DNAH9: variants seen among roughly 807,000 people sequenced by gnomAD.
DNAH9 encodes the protein dynein axonemal heavy chain 9, also known as DNAH9 variant protein.
A neutral mutation model predicts 471.6 loss-of-function variants in DNAH9; 345 were observed. That is an observed-to-expected ratio of 0.73 (90% confidence interval 0.67 to 0.80). DNAH9 has a LOEUF of 0.80. Among genes scored for constraint, DNAH9 ranks in the 30% least tolerant of loss-of-function variants. The pLI is 0.00. For synonymous variants in DNAH9, 2,093 were observed against 2,123.6 expected (o/e 0.99, Z 0.40); for missense variants, 5,407 against 5,609.2 (o/e 0.96, Z 1.15).
chr17:11,905,569 T>G, intron 60 of DNAH9, 92 bp from the exon 61 acceptor site: 8 of 1,364,464 alleles, frequency 5.9e-6, no homozygotes, highest in South Asian at 1.4e-5. Context: ...CTTGAGCATG[T>G]TCTTTCATTT....
At chr17:11,622,429 A>G (rs1247597287) in intron 6 of DNAH9, among the ~76,000 whole-genome samples, 1 of 152,130 alleles carries the variant, frequency 6.6e-6, no homozygotes, top group Non-Finnish European at 1.5e-5. Context: ...TGCACTCTGT[A>G]TTCCTCTCAT....
intron 62 of DNAH9, among the ~76,000 whole-genome samples, chr17:11,924,726 C>T (rs958272003): frequency 3.8e-4 from 56 of 148,872 alleles, no homozygotes; most frequent in African/African-American, 1.3e-3. Flanking sequence ...CGGGTTCAAG[C>T]GATTCTCCTG....
intron 66 of DNAH9, among the ~76,000 whole-genome samples, chr17:11,941,266 C>T (rs1974897001): frequency 6.6e-6 from 1 of 152,130 alleles, no homozygotes; most frequent in Non-Finnish European, 1.5e-5. Flanking sequence ...AGATATCCAC[C>T]ACAGGCACCT....
intron 67 of DNAH9, among the ~76,000 whole-genome samples, chr17:11,949,570 T>A (rs1452463083): frequency 6.6e-6 from 1 of 151,904 alleles, no homozygotes; most frequent in Non-Finnish European, 1.5e-5. Flanking sequence ...CAACCTCTAC[T>A]TCCCAGGTTC....
At chr17:11,941,642 G>C (rs1171666096) in intron 66 of DNAH9, among the ~76,000 whole-genome samples, 2 of 152,064 alleles carry the variant, frequency 1.3e-5, no homozygotes, top group Admixed American at 1.3e-4. Flanking sequence ...CAGAACTCAA[G>C]GATAGAAACT....
At chr17:11,611,531 G>A in intron 3 of DNAH9, 119 bp from the exon 4 acceptor site, 1 of 1,032,278 alleles carries the variant, frequency 9.7e-7, no homozygotes, top group South Asian at 1.5e-5. Context: ...CTGGAGCACA[G>A]CCTCTGTGGA....
At chr17:11,954,785 A>G (rs1236588405) in intron 67 of DNAH9, among the ~76,000 whole-genome samples, 2 of 145,340 alleles carry the variant, frequency 1.4e-5, no homozygotes, top group African/African-American at 5.0e-5. Context: ...AAAAAAAAAA[A>G]AAAGAGAGAG....
At chr17:11,835,702 C>G (rs1970827999) in intron 49 of DNAH9, among the ~76,000 whole-genome samples, 1 of 152,172 alleles carries the variant, frequency 6.6e-6, no homozygotes, top group Non-Finnish European at 1.5e-5. Flanking sequence ...TTTGGAGATC[C>G]TCTGCCAGTC....
At chr17:11,720,964 G>A (rs2075046324) in intron 27 of DNAH9, among the ~76,000 whole-genome samples, 1 of 152,162 alleles carries the variant, frequency 6.6e-6, no homozygotes, top group South Asian at 2.1e-4. Context: ...ATAATTTTAT[G>A]TTCTAGATTT....
At chr17:11,947,262 G>C (rs1975161766) in intron 67 of DNAH9, among the ~76,000 whole-genome samples, 1 of 152,202 alleles carries the variant, frequency 6.6e-6, no homozygotes, top group Non-Finnish European at 1.5e-5. Flanking sequence ...ACAAAAGCCT[G>C]ATGTACCAAA....
chr17:11,781,639 C>G lies in DNAH9; in HGVS notation c.7718+465C>G, dbSNP rs776055471. On this transcript the variant is annotated intron_variant, in intron 39 of 68. Transcript: ENST00000262442. ...ACAAGGTCAGGAGTTCGAGACCAGCCTGGCCAACATGGTGAAACCCCGTCT... is the reference window on the plus strand; with the variant it reads ...ACAAGGTCAGGAGTTCGAGACCAGCGTGGCCAACATGGTGAAACCCCGTCT... 6.6e-5 allele frequency among the ~76,000 whole-genome samples: 10 copies of G among 152,132 alleles called. No homozygotes were observed. The South Asian group carries it at 1.2e-3, about 19-fold the overall frequency.
chr17:11,636,586 G>A (rs773437773), intron 8 of DNAH9, 48 bp from the exon 9 acceptor site: 1 of 1,519,804 alleles, frequency 6.6e-7, no homozygotes, highest in Non-Finnish European at 9.1e-7. Context: ...ACCATGGAAA[G>A]GTTTAATCTG....
rs1255288654 is a variant in DNAH9 at position 11,769,327 on chromosome 17, A to C, written c.7550A>C (p.Gln2517Pro). The C allele has an allele frequency of 6.2e-7, 1 of 1,609,202 alleles. No homozygotes were observed. The highest frequency in any genetic ancestry group is 1.1e-5 in the South Asian group (1 of 90,400). Reference sequence around the variant, plus strand: ...TACTACACCACGTCAGCAATGCTGCAGGGTAAGCAGCCCAGGGCACCTGGG... The same window carrying C: ...TACTACACCACGTCAGCAATGCTGCCGGGTAAGCAGCCCAGGGCACCTGGG... The part of the protein sequence containing the change: ...FNYYTTSAML[Q>P]AVLEKPLEKK... The change falls in exon 38 of 69, where the codon CAG becomes CCG. Residue 2517 changes from glutamine to proline, a missense_variant and splice_region_variant. Gln to Pro is a moderately conservative substitution (Grantham distance 76). Coordinates refer to ENST00000262442, the MANE Select transcript of DNAH9 (RefSeq NM_001372.4).
intron 27 of DNAH9, among the ~76,000 whole-genome samples, chr17:11,726,864 A>G (rs981263737): frequency 6.6e-6 from 1 of 152,040 alleles, no homozygotes; most frequent in Admixed American, 6.6e-5. Flanking sequence ...CCTGACCAAC[A>G]TGGTGAAACC....
chr17:11,671,749 C>CAA (rs761599804), intron 17 of DNAH9, among the ~76,000 whole-genome samples: 1 of 152,208 alleles, frequency 6.6e-6, no homozygotes, highest in Admixed American at 6.5e-5. Flanking sequence ...GTGAAAGGAT[C>CAA]AAAAACACAT....
chr17:11,934,201 A>G (rs1416605975), intron 65 of DNAH9, 130 bp downstream of exon 65: 2 of 973,882 alleles, frequency 2.1e-6, no homozygotes, highest in African/African-American at 1.6e-5. Context: ...GCAGGGGCTG[A>G]GGCAAAAGGG....
chr17:11,765,527 G>A (rs1020459857), intron 36 of DNAH9, among the ~76,000 whole-genome samples: 1 of 152,212 alleles, frequency 6.6e-6, no homozygotes, highest in Admixed American at 6.5e-5. Flanking sequence ...GTTCTTTGGT[G>A]CTCAAAATTC....
At chr17:11,720,120 A>G (rs2075027722) in intron 27 of DNAH9, among the ~76,000 whole-genome samples, 1 of 152,114 alleles carries the variant, frequency 6.6e-6, no homozygotes, top group African/African-American at 2.4e-5. Context: ...TCACCGAGAA[A>G]AGCCAGAGAA....
chr17:11,731,956 T>C (rs909826625), intron 28 of DNAH9, among the ~76,000 whole-genome samples: 1 of 152,162 alleles, frequency 6.6e-6, no homozygotes, highest in Non-Finnish European at 1.5e-5. Flanking sequence ...TAGTTCTAGA[T>C]CCCTAAGGAA....
Sources: gnomAD v4.1 joint callset for allele counts (sites outside exome capture counted in the v4.1 genomes callset) on GRCh38, gnomAD v4.1.1 for gene constraint, MANE v1.5 for transcripts, NCBI Gene and HGNC (gene_info 2026-07-23, HGNC 2026-07-21) for gene names.